The following UGT1A8 variants were observed in gnomAD, a reference collection of about 807,000 sequenced individuals.
UGT1A8 encodes the protein UDP-glucuronosyltransferase 1A8.
A neutral mutation model predicts 45.3 loss-of-function variants in UGT1A8; 39 were observed. That is an observed-to-expected ratio of 0.86 (90% CI 0.67 to 1.12). UGT1A8 has a LOEUF of 1.12. Ranked by LOEUF, UGT1A8 falls within the 50% of genes most tolerant of loss-of-function variation. UGT1A8 has a pLI of 0.00. For synonymous variants in UGT1A8, 275 were observed against 249.2 expected, an observed-to-expected ratio of 1.10 and a Z score of -0.97; for missense variants, 719 against 664.9, an observed-to-expected ratio of 1.08 and a Z score of -0.90.
chr2:233,618,356 C>T lies in UGT1A8; in HGVS notation c.649C>T (p.His217Tyr), dbSNP rs976948576. The T allele has an allele frequency of 2.5e-6, 4 of 1,613,778 alleles. No homozygotes were observed. The highest frequency in any genetic ancestry group is 3.4e-6 in the Non-Finnish European group (4 of 1,179,862). ...GAACCACATCATGCACTTGGAGGAA[C>T]ATTTATTTTGCCAGTATTTTTCCAA... is the stretch of plus-strand genomic sequence containing the variant. Reference protein sequence around the residue: ...VRNHIMHLEEHLFCQYFSKNA... With the variant: ...VRNHIMHLEEYLFCQYFSKNA... The change falls in exon 1 of 5, where the codon CAT becomes TAT. Residue 217 changes from histidine (H) to tyrosine (Y), a missense_variant. Coordinates refer to ENST00000373450, the MANE Select transcript of UGT1A8 (RefSeq NM_019076.5).
intron 1 of UGT1A8, among the ~76,000 whole-genome samples, chr2:233,634,160 T>C (rs2073237714): frequency 6.6e-6 from 1 of 152,258 alleles, no homozygotes; most frequent in African/African-American, 2.4e-5. Context: ...TTGATTGCAC[T>C]GTGATCTAAG....
intron 1 of UGT1A8, chr2:233,682,681 A>T: frequency 1.9e-6 from 3 of 1,613,858 alleles, no homozygotes; most frequent in Non-Finnish European, 2.5e-6. Context: ...ACAGCCACAC[A>T]TCAATTTGGT....
chr2:233,668,371 C>G (rs973670613), intron 1 of UGT1A8, among the ~76,000 whole-genome samples: 2 of 152,194 alleles, frequency 1.3e-5, no homozygotes, highest in African/African-American at 4.8e-5. Context: ...CATGTCGCTA[C>G]AAAGGACATG....
chr2:233,625,476 A>G (rs556835772), intron 1 of UGT1A8, among the ~76,000 whole-genome samples: 1 of 152,264 alleles, frequency 6.6e-6, no homozygotes, highest in East Asian at 1.9e-4. Context: ...CATTTTACCA[A>G]GAAACACATG....
chr2:233,690,817 A>G, intron 1 of UGT1A8: 1 of 1,076,340 alleles, frequency 9.3e-7, no homozygotes, highest in South Asian at 2.7e-5. Flanking sequence ...TAGTACAGTC[A>G]AAGCTCACAG....
chr2:233,662,459 A>G (rs1430445543), intron 1 of UGT1A8, among the ~76,000 whole-genome samples: 3 of 152,242 alleles, frequency 2.0e-5, no homozygotes, highest in African/African-American at 7.2e-5. Context: ...GTAACCATTT[A>G]TATAAATGAA....
intron 1 of UGT1A8, among the ~76,000 whole-genome samples, chr2:233,707,710 A>G (rs556355059): frequency 6.6e-6 from 1 of 152,256 alleles, no homozygotes; most frequent in East Asian, 1.9e-4. Context: ...GCTTTTCACT[A>G]CTGTGAACAA....
intron 1 of UGT1A8, among the ~76,000 whole-genome samples, chr2:233,750,216 G>A (rs192238866): frequency 1.3e-5 from 2 of 151,994 alleles, no homozygotes; most frequent in Middle Eastern, 3.4e-3. Flanking sequence ...AGTCTCAGAT[G>A]GAGATGAGGA....
At chr2:233,690,421 T>C in intron 1 of UGT1A8, 1 of 1,236,806 alleles carries the variant, frequency 8.1e-7, no homozygotes, top group Non-Finnish European at 1.1e-6. Flanking sequence ...ATTACCTTCA[T>C]GCACATCTTT....
intron 1 of UGT1A8, chr2:233,713,716 A>T (rs771701943): frequency 1.9e-6 from 3 of 1,613,702 alleles, no homozygotes; most frequent in Non-Finnish European, 2.5e-6. Flanking sequence ...TTTCAGAGAG[A>T]GGTGTCAGTG....
chr2:233,627,885 A>G (rs1237906761), intron 1 of UGT1A8, among the ~76,000 whole-genome samples: 1 of 152,022 alleles, frequency 6.6e-6, no homozygotes, highest in Non-Finnish European at 1.5e-5. Context: ...AAGATTTACA[A>G]TATTGCACCA....
intron 1 of UGT1A8, among the ~76,000 whole-genome samples, chr2:233,634,262 G>A (rs560340809): frequency 6.6e-6 from 1 of 152,294 alleles, no homozygotes; most frequent in East Asian, 1.9e-4. Context: ...GTGCAATGTG[G>A]TGCTGAGAAG....
intron 1 of UGT1A8, among the ~76,000 whole-genome samples, chr2:233,628,082 C>A (rs1264752119): frequency 6.6e-6 from 1 of 152,034 alleles, no homozygotes; most frequent in African/African-American, 2.4e-5. Flanking sequence ...GTAGTATATA[C>A]TATAGGTAAT....
At chr2:233,685,425 A>G (rs2074738048) in intron 1 of UGT1A8, among the ~76,000 whole-genome samples, 1 of 151,766 alleles carries the variant, frequency 6.6e-6, no homozygotes, top group Non-Finnish European at 1.5e-5. Flanking sequence ...GAATCCAGTT[A>G]TAAAGAATTC....
chr2:233,699,030 G>A (rs1575464751), intron 1 of UGT1A8, among the ~76,000 whole-genome samples: 2 of 152,336 alleles, frequency 1.3e-5, no homozygotes, highest in South Asian at 4.1e-4. Flanking sequence ...CCACCAGGCA[G>A]TCCCAGATGT....
At chr2:233,737,721 C>CA (rs1559381748) in intron 1 of UGT1A8, among the ~76,000 whole-genome samples, 2 of 151,324 alleles carry the variant, frequency 1.3e-5, no homozygotes, top group Non-Finnish European at 3.0e-5. Flanking sequence ...CCAACACCTC[C>CA]TTTTTTTTTC....
At chr2:233,707,920 A>C (rs1233939491) in intron 1 of UGT1A8, among the ~76,000 whole-genome samples, 2 of 152,212 alleles carry the variant, frequency 1.3e-5, no homozygotes. Context: ...TGAGGGTTTT[A>C]AAATATACTT....
At position 233,669,130 on chromosome 2, in the gene UGT1A8, G is replaced by A. The variant is rs2074132766; in HGVS notation, c.855+50568G>A. Among the ~76,000 whole-genome samples, 3 of 152,130 alleles carry A rather than the reference G, an allele frequency of 2.0e-5. No homozygotes were observed. The South Asian group carries it at 6.2e-4, about 32-fold the overall frequency. On this transcript the variant is annotated intron_variant, in intron 1 of 4. Transcript: ENST00000373450. ...CCCACAGAATTGCCTGTGCACCTTT[G>A]AAAAAACTTGGTTGCTCATACTTCT...
chr2:233,704,582 A>G (rs1433849632), intron 1 of UGT1A8, among the ~76,000 whole-genome samples: 2 of 152,188 alleles, frequency 1.3e-5, no homozygotes, highest in African/African-American at 4.8e-5. Context: ...TTCAAGAATC[A>G]GAGAGAAGAA....
Sources: allele counts gnomAD v4.1 joint callset (sites outside exome capture counted in the v4.1 genomes callset), GRCh38; gene constraint gnomAD v4.1.1; transcripts MANE v1.5; gene names NCBI Gene and HGNC (gene_info 2026-07-23, HGNC 2026-07-21).